The following GFOD1 variants were observed in gnomAD, a reference collection of about 807,000 sequenced individuals.
GFOD1 encodes the protein Gfo/Idh/MocA-like oxidoreductase domain containing 1.
Under a neutral mutation model 25.4 loss-of-function variants are expected in GFOD1, and 9 were observed. The observed-to-expected ratio is 0.35, with a 90% CI of 0.21 to 0.62. The LOEUF (loss-of-function observed/expected upper bound fraction) is 0.62. Among genes scored for constraint, GFOD1 ranks in the 20% least tolerant of loss-of-function variants. The probability of loss-of-function intolerance (pLI) is 0.72; values close to 1 mark genes in which losing one functional copy is unlikely to be tolerated. For synonymous variants in GFOD1, 253 were observed against 245.6 expected, an observed-to-expected ratio of 1.03 and a Z score of -0.28; for missense variants, 403 against 556.9, an observed-to-expected ratio of 0.72 and a Z score of 2.78.
chr6:13,478,979 G>A (rs571891640), intron 1 of GFOD1, among the ~76,000 whole-genome samples: 1 of 151,366 alleles, frequency 6.6e-6, no homozygotes, highest in Admixed American at 6.6e-5. Flanking sequence ...CAGTACCTTT[G>A]AGTGATCACG....
chr6:13,358,382 G>A lies in GFOD1; in HGVS notation c.*6361C>T, dbSNP rs1481951953. 1 of 151,878 alleles carries A rather than the reference G, an allele frequency of 6.6e-6. No homozygotes were observed. The highest frequency in any genetic ancestry group is 2.4e-5 in the African/African-American group (1 of 41,314). The allele number at this position is 151,878 out of a possible 1,614,324, so 9.4% of individuals were successfully genotyped here. ...AATAAATATATACTCGACAATGACA[G>A]CCAAACAAATGCCATTTTGGTTAAA... is the stretch of plus-strand genomic sequence containing the variant. On this transcript the variant is annotated 3_prime_UTR_variant, in exon 2 of 2. Transcript: ENST00000379287.
chr6:13,402,398 G>A (rs556351057), intron 1 of GFOD1, among the ~76,000 whole-genome samples: 8 of 152,152 alleles, frequency 5.3e-5, no homozygotes, highest in South Asian at 2.1e-4. Context: ...TAAAACCACC[G>A]ACTGAATGGT....
chr6:13,460,798 A>G (rs1758277592), intron 1 of GFOD1, among the ~76,000 whole-genome samples: 1 of 152,222 alleles, frequency 6.6e-6, no homozygotes, highest in African/African-American at 2.4e-5. Flanking sequence ...CCTATGTAAC[A>G]AATCTGCATG....
At chr6:13,431,796 C>T (rs879914169) in intron 1 of GFOD1, among the ~76,000 whole-genome samples, 1 of 152,178 alleles carries the variant, frequency 6.6e-6, no homozygotes, top group Admixed American at 6.5e-5. Flanking sequence ...GAAATGTCAC[C>T]AGCTAAAAAT....
At chr6:13,446,444 G>A (rs1758004560) in intron 1 of GFOD1, among the ~76,000 whole-genome samples, 1 of 152,166 alleles carries the variant, frequency 6.6e-6, no homozygotes, top group Non-Finnish European at 1.5e-5. Context: ...CTAGGTTGGA[G>A]GTTGTTACAG....
intron 1 of GFOD1, among the ~76,000 whole-genome samples, chr6:13,419,851 T>A (rs1399813312): frequency 1.3e-5 from 2 of 152,126 alleles, no homozygotes; most frequent in East Asian, 3.9e-4. Context: ...TACTTAAACG[T>A]CCCCTCTTCG....
intron 1 of GFOD1, among the ~76,000 whole-genome samples, chr6:13,431,070 C>A (rs1191143491): frequency 6.6e-6 from 1 of 152,226 alleles, no homozygotes; most frequent in Non-Finnish European, 1.5e-5. Flanking sequence ...TGAATCAGGG[C>A]CATTTAATTT....
chr6:13,427,247 C>T (rs1757656015), intron 1 of GFOD1, among the ~76,000 whole-genome samples: 1 of 152,200 alleles, frequency 6.6e-6, no homozygotes, highest in Admixed American at 6.5e-5. Flanking sequence ...AGAGAACATG[C>T]ATGTAGAGAC....
At chr6:13,367,246 C>T (rs1785066455) in intron 1 of GFOD1, among the ~76,000 whole-genome samples, 2 of 152,186 alleles carry the variant, frequency 1.3e-5, no homozygotes, top group African/African-American at 4.8e-5. Context: ...TGAAGAACTT[C>T]TTATTGATAC....
intron 1 of GFOD1, chr6:13,485,976 C>A: frequency 1.0e-6 from 1 of 965,326 alleles, no homozygotes; most frequent in Non-Finnish European, 1.2e-6. Context: ...TCTAATACAT[C>A]ATCACCCCCA....
At chr6:13,378,951 C>CA (rs140647504) in intron 1 of GFOD1, among the ~76,000 whole-genome samples, 64,691 of 152,016 alleles carry the variant, frequency 0.43, 16,776 homozygotes, top group East Asian at 0.67. Flanking sequence ...AGAACCCCAT[C>CA]TGCTGCTGGT....
At position 13,359,060 on chromosome 6, in the gene GFOD1, G is replaced by A. The variant is rs1157700037; in HGVS notation, c.*5683C>T. On this transcript the variant is annotated 3_prime_UTR_variant, in exon 2 of 2. Coordinates refer to ENST00000379287, the MANE Select transcript of GFOD1 (RefSeq NM_018988.4). ...CTCCAGATGCCACTGGGAACACTGA[G>A]CCCATCACCTTTTAAAGAAGCGCAG... 2 of 152,330 alleles carry A rather than the reference G, an allele frequency of 1.3e-5. No homozygotes were observed. The highest frequency in any genetic ancestry group is 4.8e-5 in the African/African-American group (2 of 41,462). 9.4% of individuals were successfully genotyped at this position (152,330 alleles called of 1,614,324 possible).
At chr6:13,455,302 A>C (rs1449906643) in intron 1 of GFOD1, among the ~76,000 whole-genome samples, 2 of 152,170 alleles carry the variant, frequency 1.3e-5, no homozygotes, top group African/African-American at 4.8e-5. Context: ...CTATCACTAA[A>C]TCACCTTGGT....
At chr6:13,449,116 G>A (rs1316607145) in intron 1 of GFOD1, among the ~76,000 whole-genome samples, 2 of 152,184 alleles carry the variant, frequency 1.3e-5, no homozygotes, top group East Asian at 1.9e-4. Context: ...GTGAGACACC[G>A]TCTCTACAAA....
rs1213282085 is a variant in GFOD1 at position 13,430,476 on chromosome 6, A to T, written c.253+56162T>A. On this transcript the variant is annotated intron_variant, in intron 1 of 1. Transcript: ENST00000379287. The surrounding 1 kb of genome is among the most constrained non-coding windows in gnomAD (Gnocchi z 4.1). Reference sequence around the variant, plus strand: ...AGTAAATAAATAAAAATTAAAAAATAAAATCCAGCCATTGCACTGTGAAGG... The same window carrying T: ...AGTAAATAAATAAAAATTAAAAAATTAAATCCAGCCATTGCACTGTGAAGG... Among the ~76,000 whole-genome samples the T allele has an allele frequency of 6.6e-6, 1 of 152,122 alleles. No individual in the cohort carries two copies. The highest frequency in any genetic ancestry group is 1.9e-4 in the East Asian group (1 of 5,196).
chr6:13,397,656 C>G (rs1310659060), intron 1 of GFOD1, among the ~76,000 whole-genome samples: 5 of 152,176 alleles, frequency 3.3e-5, no homozygotes, highest in African/African-American at 1.2e-4. Context: ...AACAGGAGAG[C>G]AGGGTGGGGA....
intron 1 of GFOD1, among the ~76,000 whole-genome samples, chr6:13,420,207 T>C (rs1273636881): frequency 6.6e-6 from 1 of 152,196 alleles, no homozygotes; most frequent in East Asian, 1.9e-4. Flanking sequence ...GGCCCTCTAG[T>C]TTCTTTGTAT....
chr6:13,439,918 C>A (rs1319411719), intron 1 of GFOD1, among the ~76,000 whole-genome samples: 5 of 152,154 alleles, frequency 3.3e-5, no homozygotes, highest in Non-Finnish European at 5.9e-5. Context: ...ATTTCACGGG[C>A]AATTCTAATG....
chr6:13,421,602 C>T (rs1786258360), intron 1 of GFOD1, among the ~76,000 whole-genome samples: 1 of 152,158 alleles, frequency 6.6e-6, no homozygotes, highest in Non-Finnish European at 1.5e-5. Flanking sequence ...CTATATTTGA[C>T]AACTGCGCAA....
Sources: gnomAD v4.1 joint callset for allele counts (sites outside exome capture counted in the v4.1 genomes callset) on GRCh38, gnomAD v4.1.1 for gene constraint, Gnocchi (gnomAD v3.1) non-coding constraint, MANE v1.5 for transcripts, NCBI Gene and HGNC (gene_info 2026-07-23, HGNC 2026-07-21) for gene names.